The following IQGAP1 variants were observed in gnomAD, a reference collection of about 807,000 sequenced individuals.
The protein encoded by IQGAP1 is ras GTPase-activating-like protein IQGAP1.
In IQGAP1, 66 loss-of-function variants were observed where a neutral mutation model predicts 215.6. The ratio of observed to expected loss-of-function variants is 0.31; its 90% confidence interval spans 0.25 to 0.38. The LOEUF (loss-of-function observed/expected upper bound fraction) is 0.38. IQGAP1 is among the 10% of genes least tolerant of loss of function. The pLI, the probability that IQGAP1 is intolerant of heterozygous loss-of-function variation, is 1.00. For missense variants in IQGAP1, 1,712 were observed against 1,997.1 expected (o/e 0.86, Z 2.72); for synonymous variants, 772 against 728.7 (o/e 1.06, Z -0.96).
intron 2 of IQGAP1, 45 bp from the exon 3 acceptor site, chr15:90,426,065 C>G (rs757278387): frequency 1.9e-6 from 3 of 1,556,292 alleles, no homozygotes; most frequent in East Asian, 4.6e-5. Flanking sequence ...AGGAAAAGTT[C>G]TGACCTTCCC....
chr15:90,470,241 C>A (rs566842959), intron 18 of IQGAP1, among the ~76,000 whole-genome samples: 1 of 152,126 alleles, frequency 6.6e-6, no homozygotes, highest in Non-Finnish European at 1.5e-5. Context: ...TTCACTGATT[C>A]CTTCTTCATT....
chr15:90,392,899 T>C (rs1033718002), intron 2 of IQGAP1, among the ~76,000 whole-genome samples: 2 of 151,946 alleles, frequency 1.3e-5, no homozygotes, highest in Non-Finnish European at 2.9e-5. Context: ...CATCCGCCAC[T>C]ACGCCTGGCT....
chr15:90,424,432 C>T (rs779429887), intron 2 of IQGAP1, among the ~76,000 whole-genome samples: 7 of 152,158 alleles, frequency 4.6e-5, no homozygotes, highest in Non-Finnish European at 1.0e-4. Flanking sequence ...AGCAGAGAAG[C>T]TTATCATCGA....
chr15:90,429,587 AGGCG>A lies in IQGAP1; in HGVS notation c.313-1_315del. On this transcript the variant is annotated splice_acceptor_variant and coding_sequence_variant, in exon 4 of 38. Transcript: ENST00000268182. LOFTEE classifies it high-confidence loss of function. ...ATACCTAATTTTCTTTTTTTTTTCT[AGGCG>A]ACTGGCCTCCACTTTAGACACACTG... 6.4e-7 allele frequency: 1 copy of A among 1,572,494 alleles called. No individual in the cohort carries two copies. Among genetic ancestry groups the A allele is most frequent in the Non-Finnish European group, 8.6e-7 (1 of 1,166,058 alleles).
intron 37 of IQGAP1, among the ~76,000 whole-genome samples, chr15:90,499,628 A>G (rs928615016): frequency 1.3e-5 from 2 of 152,254 alleles, no homozygotes; most frequent in Non-Finnish European, 2.9e-5. Flanking sequence ...GACCCATAAC[A>G]TGGATGAAAT....
intron 14 of IQGAP1, 22 bp from the exon 15 acceptor site, chr15:90,456,130 C>G (rs528313255): frequency 2.5e-6 from 4 of 1,590,128 alleles, no homozygotes; most frequent in Non-Finnish European, 3.4e-6. Flanking sequence ...AAAAAAAAAA[C>G]TTTCTGTCTC....
At chr15:90,389,113 A>AT (rs767657816) in intron 1 of IQGAP1, among the ~76,000 whole-genome samples, 3 of 152,134 alleles carry the variant, frequency 2.0e-5, no homozygotes, top group Non-Finnish European at 2.9e-5. Context: ...AAGGATCAAC[A>AT]TTTCACGCAT....
At chr15:90,496,079 T>G (rs1378728605) in intron 36 of IQGAP1, among the ~76,000 whole-genome samples, 2 of 151,952 alleles carry the variant, frequency 1.3e-5, no homozygotes, top group South Asian at 4.1e-4. Flanking sequence ...TAAAATTATT[T>G]ATCACTTAAG....
rs781613511 is a variant in IQGAP1 at position 90,400,818 on chromosome 15, G to A, written c.155+9945G>A. Among the ~76,000 whole-genome samples, 62 of 152,208 alleles carry A rather than the reference G, an allele frequency of 4.1e-4. 1 individual carries two copies. Among genetic ancestry groups the A allele is most frequent in the Non-Finnish European group, 7.9e-4 (54 of 68,042 alleles). ...TCTAGGAATTTCATTTTCCGGCTTA[G>A]TGTGGTGACCTGCCTCTGATTGCTG... On this transcript the variant is annotated intron_variant, in intron 2 of 37. Coordinates refer to ENST00000268182, the MANE Select transcript of IQGAP1 (RefSeq NM_003870.4).
At chr15:90,449,495 G>A (rs548653597) in intron 10 of IQGAP1, 64 bp from the exon 11 acceptor site, 1 of 1,324,720 alleles carries the variant, frequency 7.5e-7, no homozygotes, top group Non-Finnish European at 1.0e-6. Flanking sequence ...TGAGAGATGA[G>A]AACCTTAAGG....
intron 6 of IQGAP1, among the ~76,000 whole-genome samples, 180 bp downstream of exon 6, chr15:90,439,579 C>T (rs996991531): frequency 6.6e-6 from 1 of 151,392 alleles, no homozygotes; most frequent in African/African-American, 2.5e-5. Context: ...AAATTTCAAG[C>T]TCTGTTCTCT....
At chr15:90,388,810 G>A (rs908934825) in intron 1 of IQGAP1, among the ~76,000 whole-genome samples, 1 of 152,232 alleles carries the variant, frequency 6.6e-6, no homozygotes, top group Non-Finnish European at 1.5e-5. Flanking sequence ...TGCCTGCGGG[G>A]TAGACCCAAG....
intron 2 of IQGAP1, among the ~76,000 whole-genome samples, chr15:90,404,180 G>A (rs1034992318): frequency 6.6e-6 from 1 of 152,166 alleles, no homozygotes; most frequent in Non-Finnish European, 1.5e-5. Context: ...TGTAATTTCT[G>A]GGTCAAAGGG....
At chr15:90,446,280 A>G (rs1965526429) in intron 9 of IQGAP1, among the ~76,000 whole-genome samples, 1 of 152,200 alleles carries the variant, frequency 6.6e-6, no homozygotes, top group Admixed American at 6.5e-5. Context: ...AGCACATGTA[A>G]GGAAATAATA....
chr15:90,478,926 A>G (rs1430502252), intron 26 of IQGAP1, among the ~76,000 whole-genome samples: 1 of 152,258 alleles, frequency 6.6e-6, no homozygotes, highest in Admixed American at 6.5e-5. Flanking sequence ...ACCAACATTC[A>G]TTTATCTAAA....
intron 4 of IQGAP1, among the ~76,000 whole-genome samples, chr15:90,430,348 C>G (rs1185505010): frequency 2.0e-5 from 3 of 152,012 alleles, no homozygotes; most frequent in African/African-American, 4.8e-5. Flanking sequence ...TGTTTATATC[C>G]TTTGACGTAA....
In IQGAP1 at chr15:90,484,230, C is replaced by A. The variant is rs760841094; in HGVS notation, c.3799C>A (p.Gln1267Lys). 2 of 1,613,166 alleles carry A rather than the reference C, an allele frequency of 1.2e-6. No homozygotes were observed. Among genetic ancestry groups the A allele is most frequent in the Admixed American group, 3.3e-5 (2 of 59,860 alleles). ...QSYQKFRRFF[Q>K]TACDVPELQD... The stretch of plus-strand genomic sequence containing the variant: ...CTGTGCTTATTTCAGACGGTTTTTC[C>A]AAACTGCTTGTGATGTCCCAGAGCT... The change falls in exon 30 of 38, where the codon CAA becomes AAA. Residue 1267 changes from glutamine (Q) to lysine (K), a missense_variant. Gln to Lys is a moderately conservative substitution (Grantham distance 53, BLOSUM62 1). This residue lies in a region of IQGAP1 where 691 missense variants were observed against 923.0 expected (regional missense o/e 0.75). Coordinates refer to ENST00000268182, the MANE Select transcript of IQGAP1 (RefSeq NM_003870.4).
rs757305867 is a variant in IQGAP1 at position 90,452,801 on chromosome 15, G to A, written c.1189G>A (p.Ala397Thr). 2 of 1,614,132 alleles carry A rather than the reference G, an allele frequency of 1.2e-6. No individual in the cohort carries two copies. Among genetic ancestry groups the A allele is most frequent in the South Asian group, 2.2e-5 (2 of 91,080 alleles). ...ATTGGCAGCAGTAGCACTGATTAAT[G>A]CTGCAATCCAGAAGGGTGTTGCTGA... The part of the protein sequence containing the change: ...RRLAAVALIN[A>T]AIQKGVAEKT... Residue 397 changes from alanine to threonine, a missense_variant, in exon 12 of 38, where the codon GCT becomes ACT. Transcript: ENST00000268182.
chr15:90,495,958 T>C (rs1353508558), intron 36 of IQGAP1, among the ~76,000 whole-genome samples: 1 of 150,336 alleles, frequency 6.7e-6, no homozygotes, highest in African/African-American at 2.4e-5. Context: ...TATTTATTAT[T>C]ATAGGTCATT....
Sources: gnomAD v4.1 joint callset for allele counts (sites outside exome capture counted in the v4.1 genomes callset) on GRCh38, gnomAD v4.1.1 for gene constraint, gnomAD v4.1.1 regional missense constraint, MANE v1.5 for transcripts, NCBI Gene and HGNC (gene_info 2026-07-23, HGNC 2026-07-21) for gene names.